GALNTL6: variants seen among roughly 807,000 people sequenced by gnomAD.
GALNTL6 encodes the protein polypeptide N-acetylgalactosaminyltransferase-like 6.
GALNTL6 carries 46 observed loss-of-function variants against 73.7 expected under a neutral mutation model. The ratio of observed to expected loss-of-function variants is 0.62; its 90% CI spans 0.49 to 0.80. The LOEUF (loss-of-function observed/expected upper bound fraction) is 0.80. Among genes scored for constraint, GALNTL6 ranks in the 30% least tolerant of loss-of-function variants. GALNTL6 has a pLI of 0.00. For synonymous variants in GALNTL6, 259 were observed against 263.7 expected, an observed-to-expected ratio of 0.98 and a Z score of 0.17; for missense variants, 604 against 755.0, an observed-to-expected ratio of 0.80 and a Z score of 2.34.
intron 2 of GALNTL6, among the ~76,000 whole-genome samples, chr4:172,154,434 G>A (rs1734195265): frequency 6.6e-6 from 1 of 152,102 alleles, no homozygotes; most frequent in African/African-American, 2.4e-5. Context: ...GCTTCTCCAT[G>A]TTGGTCAGAT....
chr4:172,193,912 A>G (rs1030085302), intron 2 of GALNTL6, among the ~76,000 whole-genome samples: 1 of 152,118 alleles, frequency 6.6e-6, no homozygotes, highest in African/African-American at 2.4e-5. Flanking sequence ...CAAAAACTCA[A>G]AAAGCCAGAG....
At chr4:172,857,530 A>C (rs1465903895) in intron 7 of GALNTL6, among the ~76,000 whole-genome samples, 1 of 152,204 alleles carries the variant, frequency 6.6e-6, no homozygotes, top group Non-Finnish European at 1.5e-5. Flanking sequence ...GGATAGGTGA[A>C]CTAAACTTAA....
At chr4:172,339,257 C>CCACCCACACACACA (rs1741462885) in intron 4 of GALNTL6, among the ~76,000 whole-genome samples, 2 of 120,952 alleles carry the variant, frequency 1.7e-5, no homozygotes, top group Non-Finnish European at 3.4e-5. Flanking sequence ...CACACACACA[C>CCACCCACACACACA]CACACACACA....
intron 4 of GALNTL6, among the ~76,000 whole-genome samples, chr4:172,325,655 T>C (rs927878491): frequency 6.6e-6 from 1 of 151,900 alleles, no homozygotes; most frequent in African/African-American, 2.4e-5. Context: ...ATCTATATGG[T>C]AATATAATTT....
At chr4:172,715,750 T>C (rs1455438754) in intron 5 of GALNTL6, among the ~76,000 whole-genome samples, 6 of 152,230 alleles carry the variant, frequency 3.9e-5, no homozygotes, top group African/African-American at 1.2e-4. Context: ...CAAATGGTCC[T>C]GTTTGTAGTT....
chr4:171,973,285 A>T (rs1434479906), intron 2 of GALNTL6, among the ~76,000 whole-genome samples: 1 of 152,228 alleles, frequency 6.6e-6, no homozygotes, highest in Non-Finnish European at 1.5e-5. Context: ...TAGGGCTGCC[A>T]TAAGGAAGTA....
chr4:172,874,963 G>T (rs1188494248), intron 7 of GALNTL6, among the ~76,000 whole-genome samples: 4 of 152,186 alleles, frequency 2.6e-5, no homozygotes, highest in Non-Finnish European at 5.9e-5. Context: ...CTAGCAGCAG[G>T]GTCTGACCAT....
chr4:172,759,124 C>T (rs958930569), intron 5 of GALNTL6, among the ~76,000 whole-genome samples: 3 of 152,198 alleles, frequency 2.0e-5, no homozygotes, highest in African/African-American at 7.2e-5. Flanking sequence ...CCCACAACCA[C>T]AAGAAGAGGA....
intron 5 of GALNTL6, among the ~76,000 whole-genome samples, chr4:172,610,606 G>A (rs1046789532): frequency 1.3e-5 from 2 of 151,860 alleles, no homozygotes; most frequent in Admixed American, 1.3e-4. Context: ...CTTTATGGCT[G>A]AGCATATGGT....
intron 5 of GALNTL6, among the ~76,000 whole-genome samples, chr4:172,716,798 A>T (rs1042408424): frequency 1.3e-5 from 2 of 152,248 alleles, no homozygotes; most frequent in African/African-American, 4.8e-5. Context: ...CTACTGGTTT[A>T]GTAAGTCTAA....
intron 11 of GALNTL6, among the ~76,000 whole-genome samples, 198 bp from the exon 12 acceptor site, chr4:173,021,278 C>A (rs1752979206): frequency 6.6e-6 from 1 of 152,098 alleles, no homozygotes; most frequent in South Asian, 2.1e-4. Flanking sequence ...CAGCCTGGAC[C>A]AAAAGTGCAG....
chr4:172,055,210 G>A (rs1730986958), intron 2 of GALNTL6, among the ~76,000 whole-genome samples: 1 of 152,054 alleles, frequency 6.6e-6, no homozygotes, highest in Non-Finnish European at 1.5e-5. Flanking sequence ...ATTCTGAGAT[G>A]GCCAGTTCTC....
intron 2 of GALNTL6, among the ~76,000 whole-genome samples, chr4:172,122,616 A>G (rs1026928371): frequency 3.3e-5 from 5 of 152,174 alleles, no homozygotes; most frequent in Non-Finnish European, 7.3e-5. Flanking sequence ...TAGGCAAGTT[A>G]TTAGAGGAGT....
chr4:171,969,617 A>G (rs1017403309), intron 2 of GALNTL6, among the ~76,000 whole-genome samples: 3 of 152,178 alleles, frequency 2.0e-5, no homozygotes. Flanking sequence ...CCTTTTATTT[A>G]TACAAAGATA....
intron 5 of GALNTL6, among the ~76,000 whole-genome samples, chr4:172,429,058 A>C (rs1403665474): frequency 6.6e-6 from 1 of 152,034 alleles, no homozygotes; most frequent in African/African-American, 2.4e-5. Context: ...CACTGTCTTC[A>C]CCTAGTGGAA....
chr4:172,320,905 C>T (rs974013182), intron 4 of GALNTL6, among the ~76,000 whole-genome samples: 8 of 152,198 alleles, frequency 5.3e-5, no homozygotes, highest in African/African-American at 1.9e-4. Context: ...AAGAAATGGA[C>T]TTCAAACAAA....
At chr4:171,940,954 G>C (rs1738522592) in intron 2 of GALNTL6, among the ~76,000 whole-genome samples, 3 of 151,730 alleles carry the variant, frequency 2.0e-5, no homozygotes, top group South Asian at 2.1e-4. Context: ...AAAATAATGT[G>C]AAGAATCGAG....
chr4:173,011,326 T>C (rs1478485153), intron 11 of GALNTL6, among the ~76,000 whole-genome samples: 1 of 152,186 alleles, frequency 6.6e-6, no homozygotes, highest in Non-Finnish European at 1.5e-5. Context: ...CTGTGTTGAT[T>C]GTTTCCTTTG....
At chr4:172,521,348 A>G (rs528033709) in intron 5 of GALNTL6, among the ~76,000 whole-genome samples, 24 of 152,292 alleles carry the variant, frequency 1.6e-4, no homozygotes, top group Non-Finnish European at 3.1e-4. Flanking sequence ...TTTACCACAA[A>G]CAGAACTTTG....
Sources: gnomAD v4.1 joint callset for allele counts (sites outside exome capture counted in the v4.1 genomes callset) on GRCh38, gnomAD v4.1.1 for gene constraint, MANE v1.5 for transcripts, NCBI Gene and HGNC (gene_info 2026-07-23, HGNC 2026-07-21) for gene names.